The following EHD2 variants were observed in gnomAD, a reference collection of about 807,000 sequenced individuals.
EHD2 encodes EH domain containing 2.
Under a neutral mutation model 41.0 loss-of-function variants are expected in EHD2, and 27 were observed. The observed-to-expected ratio is 0.66, with a 90% CI of 0.49 to 0.91. The LOEUF (loss-of-function observed/expected upper bound fraction) is 0.91, where lower values mean the gene tolerates loss of function less well. Ranked by LOEUF, EHD2 falls within the 40% of genes least tolerant of loss-of-function variation. The pLI is 0.00. For synonymous variants in EHD2, 342 were observed against 341.0 expected (o/e 1.00, Z -0.03); for missense variants, 673 against 773.9 (o/e 0.87, Z 1.55).
chr19:47,714,832 C>T (rs576134589), intron 1 of EHD2, among the ~76,000 whole-genome samples: 11 of 151,946 alleles, frequency 7.2e-5, no homozygotes, highest in Middle Eastern at 3.4e-3. Context: ...CTCAGGAGTT[C>T]GAGACCACCC....
chr19:47,717,903 G>A (rs1973646706), intron 2 of EHD2, among the ~76,000 whole-genome samples: 1 of 104,668 alleles, frequency 9.6e-6, no homozygotes, highest in South Asian at 2.9e-4. Flanking sequence ...GCGAGACTCT[G>A]TCTAAAAAAA....
intron 4 of EHD2, among the ~76,000 whole-genome samples, chr19:47,729,329 G>A (rs752577707): frequency 1.3e-5 from 2 of 152,120 alleles, no homozygotes; most frequent in Admixed American, 6.6e-5. Context: ...GGCTGTGTCC[G>A]GGAATCTGTG....
intron 2 of EHD2, among the ~76,000 whole-genome samples, chr19:47,717,999 G>A (rs977773398): frequency 3.3e-5 from 5 of 149,790 alleles, no homozygotes; most frequent in South Asian, 2.1e-4. Flanking sequence ...GTGGCCGGGC[G>A]CAGTGTCTCA....
chr19:47,724,278 T>G (rs1383800780), intron 3 of EHD2, among the ~76,000 whole-genome samples: 2 of 151,148 alleles, frequency 1.3e-5, no homozygotes, highest in Non-Finnish European at 3.0e-5. Flanking sequence ...AGGCTGGTCT[T>G]GAACTCCTGG....
chr19:47,742,089 C>T lies in EHD2; in HGVS notation c.*657C>T, dbSNP rs1474965590. 1.7e-5 allele frequency: 6 copies of T among 359,926 alleles called. No individual in the cohort carries two copies. Among genetic ancestry groups the T allele is most frequent in the African/African-American group, 4.3e-5 (2 of 46,550 alleles). 22.3% of individuals were successfully genotyped at this position (359,926 alleles called of 1,614,324 possible). A position where few individuals can be genotyped will look rare whatever the true frequency, so the allele number is the denominator to read the frequency against. ...CCCCTCCGCAGCCCCTTCCCTTGCTCGGGGAAAGCCCCCAATTCTGCCCAC... is the reference window on the plus strand; with the variant it reads ...CCCCTCCGCAGCCCCTTCCCTTGCTTGGGGAAAGCCCCCAATTCTGCCCAC... On this transcript the variant is annotated 3_prime_UTR_variant, in exon 6 of 6. Coordinates refer to ENST00000263277, the MANE Select transcript of EHD2 (RefSeq NM_014601.4).
At chr19:47,722,454 T>A (rs1973707023) in intron 3 of EHD2, among the ~76,000 whole-genome samples, 1 of 152,100 alleles carries the variant, frequency 6.6e-6, no homozygotes, top group African/African-American at 2.4e-5. Flanking sequence ...GGCTGCTTCC[T>A]CTCAGGCAGG....
chr19:47,726,606 T>C (rs1397690526), intron 4 of EHD2, among the ~76,000 whole-genome samples: 1 of 151,032 alleles, frequency 6.6e-6, no homozygotes, highest in Non-Finnish European at 1.5e-5. Flanking sequence ...CTTCCTTCCT[T>C]CCTTCCTCTG....
At chr19:47,721,167 GTGT>G (rs1373568810) in intron 3 of EHD2, among the ~76,000 whole-genome samples, 8 of 37,906 alleles carry the variant, frequency 2.1e-4, no homozygotes, top group Non-Finnish European at 4.1e-4. Context: ...TACTGGGGGT[GTGT>G]GTGTGTGTGT....
intron 3 of EHD2, among the ~76,000 whole-genome samples, chr19:47,721,523 C>T (rs1195138971): frequency 6.6e-6 from 1 of 151,776 alleles, no homozygotes; most frequent in East Asian, 2.0e-4. Context: ...GCCGTCTTAG[C>T]CAGGCAGGTC....
chr19:47,725,396 C>CAAAAAAAAAAA (rs10676405), intron 3 of EHD2, among the ~76,000 whole-genome samples: 7 of 74,262 alleles, frequency 9.4e-5, no homozygotes, highest in African/African-American at 3.6e-4. Context: ...CATCTCTACT[C>CAAAAAAAAAAA]AAAAAAAAAA....
Position 47,741,947 on chromosome 19 carries a change from T to G in EHD2, c.*515T>G, listed in dbSNP as rs1306556274. The G allele has an allele frequency of 6.6e-6, 3 of 456,024 alleles. No homozygotes were observed. The Admixed American group carries it at 7.1e-5, about 11-fold the overall frequency. 28.2% of individuals were successfully genotyped at this position (456,024 alleles called of 1,614,324 possible). ...ACTAGCAGATAAACAGACCCCCTTC[T>G]GCTCCGCTTCCTCCTGCCCAGCCAG... On this transcript the variant is annotated 3_prime_UTR_variant, in exon 6 of 6. Transcript: ENST00000263277. This position sits in a 1 kb window ranked among gnomAD's most constrained non-coding sequence, Gnocchi z 4.5.
At chr19:47,715,819 G>A (rs942211523) in intron 1 of EHD2, among the ~76,000 whole-genome samples, 2 of 152,042 alleles carry the variant, frequency 1.3e-5, no homozygotes, top group African/African-American at 2.4e-5. Flanking sequence ...GCTCTGTCAA[G>A]TGCAGTGGCG....
chr19:47,720,443 T>C (rs1318949768), intron 3 of EHD2, among the ~76,000 whole-genome samples: 1 of 152,114 alleles, frequency 6.6e-6, no homozygotes, highest in Non-Finnish European at 1.5e-5. Flanking sequence ...AGTGCTGGGA[T>C]TACAGGTGTG....
Position 47,737,876 on chromosome 19 carries a change from C to CTTT in EHD2, c.1080+1363_1080+1365dup, listed in dbSNP as rs1226699986. Among the ~76,000 whole-genome samples the CTTT allele has an allele frequency of 1.0e-3, 104 of 100,036 alleles. 2 individuals carry two copies. Among genetic ancestry groups the CTTT allele is most frequent in the African/African-American group, 1.4e-3 (34 of 24,414 alleles). 65.6% of individuals were successfully genotyped at this position (100,036 alleles called of 152,430 possible). Reference sequence around the variant, plus strand: ...GGCACATGCCACCATGCCTGGCTAGCTTTTTTTTTTTTTTTTTTTTTTGAG... The same window carrying CTTT: ...GGCACATGCCACCATGCCTGGCTAGCTTTTTTTTTTTTTTTTTTTTTTTTTGAG... On this transcript the variant is annotated intron_variant, in intron 5 of 5. Coordinates refer to ENST00000263277, the MANE Select transcript of EHD2 (RefSeq NM_014601.4).
Position 47,736,552 on chromosome 19 carries a change from G to A in EHD2, c.1080+19G>A. 4 of 1,567,848 alleles carry A rather than the reference G, an allele frequency of 2.6e-6. No individual in the cohort carries two copies. Among genetic ancestry groups the A allele is most frequent in the Middle Eastern group, 1.7e-4 (1 of 5,910 alleles). On this transcript the variant is annotated intron_variant, in intron 5 of 5. Coordinates refer to ENST00000263277, the MANE Select transcript of EHD2 (RefSeq NM_014601.4). ...AATGCAGGTGGGAAGCTGCCCAGGAGGGAATGTTGGGGGTGGGTGATGGGA... is the reference window on the plus strand; with the variant it reads ...AATGCAGGTGGGAAGCTGCCCAGGAAGGAATGTTGGGGGTGGGTGATGGGA...
chr19:47,737,878 T>C lies in EHD2; in HGVS notation c.1080+1345T>C, dbSNP rs537937814. Among the ~76,000 whole-genome samples, 167 of 121,416 alleles carry C rather than the reference T, an allele frequency of 1.4e-3. 2 individuals carry two copies. Among genetic ancestry groups the C allele is most frequent in the Middle Eastern group, 4.2e-3 (1 of 240 alleles). The allele number at this position is 121,416 out of a possible 152,430, so 79.7% of individuals were successfully genotyped here. On this transcript the variant is annotated intron_variant, in intron 5 of 5. Transcript: ENST00000263277. ...CACATGCCACCATGCCTGGCTAGCT[T>C]TTTTTTTTTTTTTTTTTTTTGAGAC...
rs561055455 is a variant in EHD2 at position 47,741,073 on chromosome 19, C to T, written c.1273C>T (p.Arg425Trp). The T allele has an allele frequency of 6.8e-5, 110 of 1,609,494 alleles. 1 individual carries two copies. In the South Asian group the frequency reaches 9.4e-4, roughly 14 times the overall value. The change falls in exon 6 of 6, where the codon CGG becomes TGG. Residue 425 changes from arginine to tryptophan, a missense_variant. By Grantham distance (101) the Arg-to-Trp change is moderately radical. Coordinates refer to ENST00000263277, the MANE Select transcript of EHD2 (RefSeq NM_014601.4). The surrounding 1 kb of genome is among the most constrained non-coding windows in gnomAD (Gnocchi z 4.5). Reference sequence around the variant, plus strand: ...CACCCACATGGGCCCGTTTGTGGAGCGGGGACCTGACGAGGCCATGGAGGA... The same window carrying T: ...CACCCACATGGGCCCGTTTGTGGAGTGGGGACCTGACGAGGCCATGGAGGA... ...EGTHMGPFVE[R>W]GPDEAMEDGE... is the part of the protein sequence containing the mutation.
At chr19:47,729,311 G>A (rs992044013) in intron 4 of EHD2, among the ~76,000 whole-genome samples, 3 of 152,184 alleles carry the variant, frequency 2.0e-5, no homozygotes, top group African/African-American at 7.2e-5. Context: ...GAGATCAGAG[G>A]TGGTGTGGGC....
At chr19:47,735,711 T>A (rs954816424) in intron 4 of EHD2, among the ~76,000 whole-genome samples, 2 of 150,572 alleles carry the variant, frequency 1.3e-5, no homozygotes, top group South Asian at 4.2e-4. Flanking sequence ...AAGACCAGCC[T>A]GGCCAACATG....
Sources: gnomAD v4.1 joint callset for allele counts (sites outside exome capture counted in the v4.1 genomes callset) on GRCh38, gnomAD v4.1.1 for gene constraint, Gnocchi (gnomAD v3.1) non-coding constraint, MANE v1.5 for transcripts, NCBI Gene and HGNC (gene_info 2026-07-23, HGNC 2026-07-21) for gene names.